The following FGD6 variants were observed in gnomAD, a reference collection of about 807,000 sequenced individuals.
FGD6 encodes the protein FYVE, RhoGEF and PH domain containing 6.
Under a neutral mutation model 149.4 loss-of-function variants are expected in FGD6, and 90 were observed. The ratio of observed to expected loss-of-function variants is 0.60; its 90% confidence interval spans 0.51 to 0.72. The LOEUF (loss-of-function observed/expected upper bound fraction) is 0.72. FGD6 is among the 30% of genes least tolerant of loss of function. FGD6 has a pLI of 0.00. For synonymous variants in FGD6, 527 were observed against 584.0 expected (o/e 0.90, Z 1.41); for missense variants, 1,437 against 1,684.8 (o/e 0.85, Z 2.57).
chr12:95,165,745 CT>C (rs1302888186), intron 3 of FGD6, among the ~76,000 whole-genome samples: 1 of 151,892 alleles, frequency 6.6e-6, no homozygotes, highest in Non-Finnish European at 1.5e-5. Context: ...TCAAGTGATC[CT>C]TCCACTTTAG....
intron 5 of FGD6, among the ~76,000 whole-genome samples, chr12:95,149,544 A>T (rs927125023): frequency 7.2e-5 from 10 of 139,024 alleles, no homozygotes; most frequent in Admixed American, 1.7e-4. Flanking sequence ...ATATATATAT[A>T]ATATATATAG....
At chr12:95,135,188 C>A (rs1396052187) in intron 7 of FGD6, among the ~76,000 whole-genome samples, 1 of 152,140 alleles carries the variant, frequency 6.6e-6, no homozygotes, top group African/African-American at 2.4e-5. Context: ...CCCAATGGAC[C>A]AAGAAGGAAA....
intron 1 of FGD6, among the ~76,000 whole-genome samples, chr12:95,216,960 C>A (rs1381540343): frequency 6.6e-6 from 1 of 152,236 alleles, no homozygotes; most frequent in Non-Finnish European, 1.5e-5. Flanking sequence ...CTTCACACAT[C>A]GCATTTCACC....
chr12:95,206,300 AT>A (rs2056692594), intron 2 of FGD6, among the ~76,000 whole-genome samples: 2 of 151,664 alleles, frequency 1.3e-5, no homozygotes, highest in Non-Finnish European at 2.9e-5. Context: ...ACACAAAAAA[AT>A]ATGCAAAAGC....
intron 8 of FGD6, among the ~76,000 whole-genome samples, chr12:95,123,425 C>T (rs1050776666): frequency 6.6e-6 from 1 of 152,120 alleles, no homozygotes; most frequent in African/African-American, 2.4e-5. Flanking sequence ...CCAAACCCAA[C>T]TCCAGGCTCA....
chr12:95,201,146 C>T (rs915687547), intron 2 of FGD6, among the ~76,000 whole-genome samples: 2 of 151,818 alleles, frequency 1.3e-5, no homozygotes, highest in Admixed American at 1.3e-4. Flanking sequence ...ATGTAATATA[C>T]AAGCACAGGC....
At chr12:95,125,996 G>C in intron 8 of FGD6, 3 of 1,389,262 alleles carry the variant, frequency 2.2e-6, no homozygotes, top group Non-Finnish European at 3.1e-6. Flanking sequence ...CCTGGCAGAA[G>C]GTAGACATCA....
intron 14 of FGD6, among the ~76,000 whole-genome samples, chr12:95,100,110 A>C (rs558399654): frequency 7.3e-6 from 1 of 136,576 alleles, no homozygotes; most frequent in East Asian, 2.3e-4. Flanking sequence ...CTATCTGCTC[A>C]GCCTACTTTA....
At chr12:95,203,759 A>G (rs1215304077) in intron 2 of FGD6, among the ~76,000 whole-genome samples, 2 of 152,226 alleles carry the variant, frequency 1.3e-5, no homozygotes, top group South Asian at 2.1e-4. Flanking sequence ...AATATTTATA[A>G]TAAGAACAAA....
rs1050853751 is a variant in FGD6, at chr12:95,076,907, A to C, written c.*4613T>G. 2.6e-5 allele frequency: 4 copies of C among 151,990 alleles called. No individual in the cohort carries two copies. The highest frequency in any genetic ancestry group is 7.2e-5 in the African/African-American group (3 of 41,388). 9.4% of individuals were successfully genotyped at this position (151,990 alleles called of 1,614,324 possible). On this transcript the variant is annotated 3_prime_UTR_variant, in exon 21 of 21. Transcript: ENST00000343958. ...TACATTATAAGCCATTAAAAAAAAAACGATATTTCAAGATTGGTTCTTACA... is the reference window on the plus strand; with the variant it reads ...TACATTATAAGCCATTAAAAAAAAACCGATATTTCAAGATTGGTTCTTACA...
chr12:95,137,370 T>G, intron 7 of FGD6, 152 bp downstream of exon 7: 1 of 591,248 alleles, frequency 1.7e-6, no homozygotes, highest in Non-Finnish European at 2.7e-6. Context: ...TTCTCACCAT[T>G]TAAATTGTTC....
intron 15 of FGD6, 60 bp from the exon 16 acceptor site, chr12:95,092,905 C>T (rs1454305649): frequency 2.6e-6 from 4 of 1,540,746 alleles, no homozygotes; most frequent in African/African-American, 2.7e-5. Flanking sequence ...TTTTATTCGG[C>T]AGTGGCATCT....
chr12:95,153,946 T>TGTGTGTGTGTGA (rs1192369573), intron 3 of FGD6, among the ~76,000 whole-genome samples: 1 of 137,506 alleles, frequency 7.3e-6, no homozygotes, highest in African/African-American at 2.8e-5. Flanking sequence ...TGTGTGTGTG[T>TGTGTGTGTGTGA]GAGTGAGAGA....
intron 7 of FGD6, among the ~76,000 whole-genome samples, chr12:95,136,274 C>T (rs1444221801): frequency 6.6e-6 from 1 of 152,108 alleles, no homozygotes; most frequent in Non-Finnish European, 1.5e-5. Context: ...AGGAAAATCA[C>T]GTGAACCTCG....
At chr12:95,149,362 T>TAA (rs1880216798) in intron 5 of FGD6, among the ~76,000 whole-genome samples, 1 of 114,182 alleles carries the variant, frequency 8.8e-6, no homozygotes, top group African/African-American at 3.4e-5. Context: ...ATATATTATA[T>TAA]TATATATAGC....
At chr12:95,151,465 G>A (rs924836686) in intron 5 of FGD6, among the ~76,000 whole-genome samples, 2 of 151,966 alleles carry the variant, frequency 1.3e-5, no homozygotes, top group African/African-American at 2.4e-5. Context: ...ATGGGTTTTA[G>A]CCATGTTGGC....
At chr12:95,117,583 C>T (rs1294820979) in intron 8 of FGD6, among the ~76,000 whole-genome samples, 2 of 152,108 alleles carry the variant, frequency 1.3e-5, no homozygotes, top group South Asian at 2.1e-4. Flanking sequence ...TGTACTACCA[C>T]GTTGGGCTAA....
At chr12:95,099,728 G>C (rs550488446) in intron 14 of FGD6, among the ~76,000 whole-genome samples, 6 of 152,216 alleles carry the variant, frequency 3.9e-5, no homozygotes, top group African/African-American at 1.4e-4. Flanking sequence ...CTGATGGTCT[G>C]TCTTCTACAA....
chr12:95,194,081 G>A (rs989746596), intron 2 of FGD6, among the ~76,000 whole-genome samples: 1 of 151,792 alleles, frequency 6.6e-6, no homozygotes, highest in East Asian at 1.9e-4. Flanking sequence ...CTACGGGCAT[G>A]TACCATCACG....
Sources: allele counts gnomAD v4.1 joint callset (sites outside exome capture counted in the v4.1 genomes callset), GRCh38; gene constraint gnomAD v4.1.1; transcripts MANE v1.5; gene names NCBI Gene and HGNC (gene_info 2026-07-23, HGNC 2026-07-21).